IQCM: variants seen among roughly 807,000 people sequenced by gnomAD.
The protein encoded by IQCM is IQ motif containing M, also known as IQ domain-containing protein M.
Under a neutral mutation model 57.6 loss-of-function variants are expected in IQCM, and 45 were observed. That is an observed-to-expected ratio of 0.78 (90% CI 0.62 to 1.00). The LOEUF (loss-of-function observed/expected upper bound fraction) is 1.00, where lower values mean the gene tolerates loss of function less well. IQCM is among the 50% of genes least tolerant of loss of function. The probability of loss-of-function intolerance (pLI) is 0.00; values close to 1 mark genes in which losing one functional copy is unlikely to be tolerated. For missense variants in IQCM, 468 were observed against 511.6 expected (o/e 0.91, Z 0.82); for synonymous variants, 148 against 158.9 (o/e 0.93, Z 0.51).
intron 12 of IQCM, among the ~76,000 whole-genome samples, chr4:149,433,823 T>C (rs1012378550): frequency 2.0e-5 from 3 of 151,998 alleles, no homozygotes; most frequent in Non-Finnish European, 4.4e-5. Context: ...AAAAATAAGA[T>C]ACCCAACGAA....
chr4:149,670,604 G>T (rs1019195071), intron 7 of IQCM, among the ~76,000 whole-genome samples: 6 of 152,090 alleles, frequency 3.9e-5, no homozygotes, highest in Admixed American at 6.6e-5. Flanking sequence ...TATCATATTG[G>T]CTGTGGGTTT....
chr4:149,365,764 T>G (rs1729786276), intron 13 of IQCM, among the ~76,000 whole-genome samples: 1 of 152,094 alleles, frequency 6.6e-6, no homozygotes, highest in South Asian at 2.1e-4. Context: ...TGAGGGACAT[T>G]CTACAAAATA....
At chr4:149,529,173 C>G (rs893233892) in intron 12 of IQCM, among the ~76,000 whole-genome samples, 6 of 152,116 alleles carry the variant, frequency 3.9e-5, no homozygotes, top group African/African-American at 1.4e-4. Context: ...AAGCAATTCT[C>G]CCGCTTCGGC....
intron 2 of IQCM, among the ~76,000 whole-genome samples, chr4:149,810,400 A>G (rs1774460500): frequency 6.6e-6 from 1 of 151,234 alleles, no homozygotes. Flanking sequence ...GAGTGCTTAT[A>G]CCAAGATAAT....
chr4:149,796,083 A>G (rs1301239258), intron 2 of IQCM, among the ~76,000 whole-genome samples: 2 of 152,132 alleles, frequency 1.3e-5, no homozygotes, highest in Non-Finnish European at 2.9e-5. Context: ...TTTGGCCACA[A>G]GGGTAGAGTA....
At chr4:149,529,208 C>G (rs183681186) in intron 12 of IQCM, among the ~76,000 whole-genome samples, 1 of 152,168 alleles carries the variant, frequency 6.6e-6, no homozygotes, top group East Asian at 1.9e-4. Flanking sequence ...GGATTACAAG[C>G]ACACACCACA....
chr4:149,670,731 T>A (rs1211262469), intron 7 of IQCM, among the ~76,000 whole-genome samples: 1 of 152,218 alleles, frequency 6.6e-6, no homozygotes, highest in Admixed American at 6.5e-5. Context: ...TCTATTGAGA[T>A]AATGTTGTGG....
intron 12 of IQCM, among the ~76,000 whole-genome samples, chr4:149,441,228 G>C (rs1185627229): frequency 6.6e-6 from 1 of 152,028 alleles, no homozygotes; most frequent in Non-Finnish European, 1.5e-5. Context: ...CTAAATAAAA[G>C]AGACTGTCTA....
chr4:149,761,882 T>C (rs1769552631), intron 2 of IQCM, among the ~76,000 whole-genome samples: 1 of 152,078 alleles, frequency 6.6e-6, no homozygotes. Flanking sequence ...ATTTCTCAAA[T>C]ATGTATAGCA....
At chr4:149,711,168 T>C (rs1286530559) in intron 5 of IQCM, 1 of 152,092 alleles carries the variant, frequency 6.6e-6, no homozygotes, top group Non-Finnish European at 1.5e-5. Flanking sequence ...CTAGATCAGT[T>C]TTATAAGGCA....
chr4:149,669,557 T>G (rs182270154), intron 7 of IQCM, among the ~76,000 whole-genome samples: 1 of 152,340 alleles, frequency 6.6e-6, no homozygotes, highest in Non-Finnish European at 1.5e-5. Flanking sequence ...TGCCCATGCC[T>G]ATGTCCTGAA....
At chr4:149,550,623 C>G (rs1748938056) in intron 11 of IQCM, among the ~76,000 whole-genome samples, 1 of 152,002 alleles carries the variant, frequency 6.6e-6, no homozygotes, top group African/African-American at 2.4e-5. Flanking sequence ...AATTAGTATT[C>G]AAGGATGATA....
chr4:149,610,974 T>C (rs913102461), intron 8 of IQCM, among the ~76,000 whole-genome samples: 12 of 152,004 alleles, frequency 7.9e-5, no homozygotes, highest in Non-Finnish European at 1.0e-4. Context: ...TAACAAGTGA[T>C]TAATAACCAA....
rs887465265 is a variant in IQCM, at chr4:149,581,452, G to T, written c.749+6478C>A. On this transcript the variant is annotated intron_variant, in intron 9 of 13. Transcript: ENST00000636793. ...TTCTATGCCCAGAATCCCTGAAAAT[G>T]ACTACTTTTCTTGTATAATAGGTGA... 8.6e-5 allele frequency among the ~76,000 whole-genome samples: 13 copies of T among 151,446 alleles called. No individual in the cohort carries two copies. In the Admixed American group the frequency reaches 8.6e-4, roughly 10 times the overall value.
intron 7 of IQCM, among the ~76,000 whole-genome samples, chr4:149,625,752 G>A (rs1032653761): frequency 1.3e-5 from 2 of 152,008 alleles, no homozygotes; most frequent in Non-Finnish European, 2.9e-5. Context: ...CAGCTTCTAG[G>A]GAGAAAAATC....
intron 8 of IQCM, among the ~76,000 whole-genome samples, chr4:149,610,796 G>A (rs1755211652): frequency 6.6e-6 from 1 of 152,034 alleles, no homozygotes; most frequent in Non-Finnish European, 1.5e-5. Flanking sequence ...AACACTCTAG[G>A]ATGTAGGTCT....
At chr4:149,770,017 GA>G (rs968814647) in intron 2 of IQCM, among the ~76,000 whole-genome samples, 46 of 149,254 alleles carry the variant, frequency 3.1e-4, no homozygotes, top group African/African-American at 7.6e-4. Flanking sequence ...CAACAAAAAA[GA>G]AAAAAAATAG....
intron 5 of IQCM, among the ~76,000 whole-genome samples, chr4:149,699,589 A>G (rs1763608006): frequency 6.6e-6 from 1 of 151,568 alleles, no homozygotes; most frequent in African/African-American, 2.4e-5. Flanking sequence ...AAAAGTTAAA[A>G]CAAGAGTCCA....
At chr4:149,601,311 C>T (rs967003872) in intron 8 of IQCM, among the ~76,000 whole-genome samples, 13 of 152,068 alleles carry the variant, frequency 8.5e-5, no homozygotes, top group African/African-American at 3.1e-4. Context: ...TCCTCCATTC[C>T]TCAAGATACC....
Sources: gnomAD v4.1 joint callset for allele counts (sites outside exome capture counted in the v4.1 genomes callset) on GRCh38, gnomAD v4.1.1 for gene constraint, MANE v1.5 for transcripts, NCBI Gene and HGNC (gene_info 2026-07-23, HGNC 2026-07-21) for gene names.